PTPN13: variants seen among roughly 807,000 people sequenced by gnomAD.
PTPN13 encodes the protein protein tyrosine phosphatase non-receptor type 13, also known as tyrosine-protein phosphatase non-receptor type 13.
A neutral mutation model predicts 284.0 loss-of-function variants in PTPN13; 191 were observed. The ratio of observed to expected loss-of-function variants is 0.67; its 90% CI spans 0.60 to 0.76. The LOEUF is 0.76. Ranked by LOEUF, PTPN13 falls within the 30% of genes least tolerant of loss-of-function variation. PTPN13 has a pLI of 0.00. For missense variants in PTPN13, 2,797 were observed against 2,939.9 expected, an observed-to-expected ratio of 0.95 and a Z score of 1.12; for synonymous variants, 986 against 1,022.3, an observed-to-expected ratio of 0.96 and a Z score of 0.68.
chr4:86,811,099 T>C lies in PTPN13; in HGVS notation c.7353T>C (p.Val2451=), dbSNP rs754405823. ...RCMRLQRHGM[V]QTEDQYIFCY... ...TGAGACTACAAAGACACGGAATGGT[T>C]CAGACAGAGGTGAGTCATGGCTGGG... Residue 2451 remains valine, a synonymous_variant, in exon 47 of 48, where the codon GTT becomes GTC. Coordinates refer to ENST00000411767, the MANE Select transcript of PTPN13 (RefSeq NM_080683.3). The C allele has an allele frequency of 6.2e-7, 1 of 1,613,364 alleles. No individual in the cohort carries two copies. The highest frequency in any genetic ancestry group is 2.2e-5 in the East Asian group (1 of 44,852).
chr4:86,768,919 A>G (rs1462726605), intron 28 of PTPN13, among the ~76,000 whole-genome samples: 1 of 152,034 alleles, frequency 6.6e-6, no homozygotes, highest in African/African-American at 2.4e-5. Flanking sequence ...CATGTTGGCC[A>G]AACTGGTCTT....
intron 3 of PTPN13, among the ~76,000 whole-genome samples, chr4:86,686,423 A>T (rs1729464899): frequency 1.3e-5 from 2 of 152,204 alleles, no homozygotes; most frequent in Non-Finnish European, 2.9e-5. Context: ...GGAAATAAGA[A>T]TATATATTCG....
chr4:86,657,150 A>C (rs866873172), intron 2 of PTPN13, among the ~76,000 whole-genome samples: 7 of 152,156 alleles, frequency 4.6e-5, no homozygotes, highest in African/African-American at 1.7e-4. Flanking sequence ...AGGAAAGGGA[A>C]TTCCCCGACC....
intron 19 of PTPN13, among the ~76,000 whole-genome samples, chr4:86,752,775 G>A (rs1737540667): frequency 6.6e-6 from 1 of 152,064 alleles, no homozygotes; most frequent in African/African-American, 2.4e-5. Flanking sequence ...ATATATCAAA[G>A]TATTGTCAGA....
At chr4:86,607,422 T>G (rs1347111354) in intron 1 of PTPN13, among the ~76,000 whole-genome samples, 1 of 151,998 alleles carries the variant, frequency 6.6e-6, no homozygotes, top group African/African-American at 2.4e-5. Context: ...TATTATTGTG[T>G]GCTAGGCACT....
At chr4:86,609,270 T>G (rs1230861259) in intron 1 of PTPN13, among the ~76,000 whole-genome samples, 1 of 152,224 alleles carries the variant, frequency 6.6e-6, no homozygotes, top group Non-Finnish European at 1.5e-5. Context: ...TTTGTTATCC[T>G]CTGAAGAGGA....
intron 7 of PTPN13, among the ~76,000 whole-genome samples, chr4:86,705,646 T>C (rs1221011257): frequency 2.6e-5 from 4 of 152,164 alleles, no homozygotes; most frequent in Non-Finnish European, 2.9e-5. Flanking sequence ...TCAGTAATTA[T>C]AGAATTAGAA....
chr4:86,798,592 T>C (rs111493665), intron 41 of PTPN13, among the ~76,000 whole-genome samples: 2 of 152,356 alleles, frequency 1.3e-5, no homozygotes, highest in African/African-American at 4.8e-5. Flanking sequence ...GCATCTGTTA[T>C]GCACTCCCAA....
At chr4:86,700,318 T>C (rs575090199) in intron 6 of PTPN13, among the ~76,000 whole-genome samples, 12 of 152,270 alleles carry the variant, frequency 7.9e-5, no homozygotes, top group African/African-American at 2.9e-4. Context: ...CTTCAGTGTT[T>C]ATGGGCTATT....
intron 5 of PTPN13, chr4:86,689,514 C>A (rs1729799388): frequency 1.6e-6 from 1 of 606,888 alleles, no homozygotes. Context: ...ATTGTGAACA[C>A]CTAGAAAAAA....
In PTPN13 at chr4:86,814,638, G is replaced by A; in HGVS notation, c.*87G>A. On this transcript the variant is annotated 3_prime_UTR_variant, in exon 48 of 48. Coordinates refer to ENST00000411767, the MANE Select transcript of PTPN13 (RefSeq NM_080683.3). ...CTCTATCCAAAATAAAGATCACAGAGCAGCAAGTTCATACAACATGCATGT... is the reference window on the plus strand; with the variant it reads ...CTCTATCCAAAATAAAGATCACAGAACAGCAAGTTCATACAACATGCATGT... 9.3e-7 allele frequency: 1 copy of A among 1,070,222 alleles called. No homozygotes were observed. Among genetic ancestry groups the A allele is most frequent in the Non-Finnish European group, 1.4e-6 (1 of 717,880 alleles). 66.3% of individuals were successfully genotyped at this position (1,070,222 alleles called of 1,614,324 possible).
chr4:86,650,367 A>G (rs1265298907), intron 2 of PTPN13, among the ~76,000 whole-genome samples: 3 of 152,096 alleles, frequency 2.0e-5, no homozygotes, highest in African/African-American at 7.2e-5. Flanking sequence ...GTTGGAGTGC[A>G]GTGGCACAAT....
chr4:86,624,588 G>C (rs756904616), intron 1 of PTPN13, among the ~76,000 whole-genome samples: 9 of 152,140 alleles, frequency 5.9e-5, no homozygotes, highest in Non-Finnish European at 1.0e-4. Flanking sequence ...GAGTAATTAG[G>C]AAAGTCTGGC....
chr4:86,672,557 T>G lies in PTPN13; in HGVS notation c.294+14T>G. Reference sequence around the variant, plus strand: ...GATGTTGAAAAGGTAACTGTTAAATTTTTTTGTTTGTTTTTTTATTTGGGT... The same window carrying G: ...GATGTTGAAAAGGTAACTGTTAAATGTTTTTGTTTGTTTTTTTATTTGGGT... On this transcript the variant is annotated intron_variant, in intron 3 of 47. Coordinates refer to ENST00000411767, the MANE Select transcript of PTPN13 (RefSeq NM_080683.3). The G allele has an allele frequency of 6.3e-7, 1 of 1,579,590 alleles. No individual in the cohort carries two copies. The highest frequency in any genetic ancestry group is 8.6e-7 in the Non-Finnish European group (1 of 1,160,986).
chr4:86,695,369 T>C (rs1323483852), intron 6 of PTPN13, among the ~76,000 whole-genome samples: 1 of 152,092 alleles, frequency 6.6e-6, no homozygotes, highest in South Asian at 2.1e-4. Flanking sequence ...TTTGTCACTT[T>C]CTTTTTGTAG....
intron 1 of PTPN13, among the ~76,000 whole-genome samples, chr4:86,595,469 C>T (rs1763578651): frequency 6.6e-6 from 1 of 152,078 alleles, no homozygotes; most frequent in Admixed American, 6.5e-5. Flanking sequence ...AAAATTCTTA[C>T]AAAGTTTAAT....
Position 86,758,313 on chromosome 4 carries a change from TTAG to T in PTPN13, c.3279_3281del (p.Val1094del). 1 of 1,612,048 alleles carries T rather than the reference TTAG, an allele frequency of 6.2e-7. No individual in the cohort carries two copies. Among genetic ancestry groups the T allele is most frequent in the Non-Finnish European group, 8.5e-7 (1 of 1,178,788 alleles). On this transcript the variant is annotated inframe_deletion, in exon 21 of 48. Coordinates refer to ENST00000411767, the MANE Select transcript of PTPN13 (RefSeq NM_080683.3). Reference sequence around the variant, plus strand: ...ATCTTCACCAGAAAGGGAGATCACCTTAGTGAACCTGAAAAAAGATGCAAAGTA... The same window carrying T: ...ATCTTCACCAGAAAGGGAGATCACCTTGAACCTGAAAAAAGATGCAAAGTA...
In PTPN13 at chr4:86,809,902, C is replaced by T. The variant is rs563165272; in HGVS notation, c.7217C>T (p.Thr2406Met). The change falls in exon 46 of 48, where the codon ACG becomes ATG. Residue 2406 changes from threonine (T) to methionine (M), a missense_variant. Physicochemically the swap from Thr to Met is moderately conservative, Grantham distance 81. Transcript: ENST00000411767. ...ATCCACAGATCAGGCCCAATCATTACGCACTGCAGTGCTGGCATTGGACGT... is the reference window on the plus strand; with the variant it reads ...ATCCACAGATCAGGCCCAATCATTATGCACTGCAGTGCTGGCATTGGACGT... ...RHIHRSGPII[T>M]HCSAGIGRSG... 43 of 1,613,968 alleles carry T rather than the reference C, an allele frequency of 2.7e-5. No individual in the cohort carries two copies. The highest frequency in any genetic ancestry group is 1.8e-4 in the East Asian group (8 of 44,870).
At chr4:86,627,411 G>A (rs1032673806) in intron 1 of PTPN13, among the ~76,000 whole-genome samples, 5 of 151,874 alleles carry the variant, frequency 3.3e-5, no homozygotes, top group Non-Finnish European at 5.9e-5. Context: ...GTTACCTGAA[G>A]TTGTGGTTAG....
Sources: gnomAD v4.1 joint callset for allele counts (sites outside exome capture counted in the v4.1 genomes callset) on GRCh38, gnomAD v4.1.1 for gene constraint, MANE v1.5 for transcripts, NCBI Gene and HGNC (gene_info 2026-07-23, HGNC 2026-07-21) for gene names.